The following HMG20B variants were observed in gnomAD, a reference collection of about 807,000 sequenced individuals.
HMG20B encodes SWI/SNF-related matrix-associated actin-dependent regulator of chromatin subfamily E member 1-related.
Under a neutral mutation model 41.6 loss-of-function variants are expected in HMG20B, and 24 were observed. The observed-to-expected ratio is 0.58, with a 90% CI of 0.42 to 0.81. The LOEUF (loss-of-function observed/expected upper bound fraction) is 0.81, where lower values mean the gene tolerates loss of function less well. HMG20B is among the 30% of genes least tolerant of loss of function. The pLI, the probability that HMG20B is intolerant of heterozygous loss-of-function variation, is 0.00. For missense variants in HMG20B, 461 were observed against 444.0 expected (o/e 1.04, Z -0.34); for synonymous variants, 251 against 186.6 (o/e 1.34, Z -2.81).
At chr19:3,573,490 A>AC (rs999168361) in intron 2 of HMG20B, 143 bp downstream of exon 2, 4 of 975,120 alleles carry the variant, frequency 4.1e-6, no homozygotes, top group Non-Finnish European at 5.8e-6. Flanking sequence ...CCAATTCTGC[A>AC]CCCCCCACCT....
chr19:3,574,026 C>T, intron 3 of HMG20B: 1 of 680,524 alleles, frequency 1.5e-6, no homozygotes, highest in Non-Finnish European at 2.6e-6. Flanking sequence ...ACTCTAAGGT[C>T]CCGCCCACTT....
Position 3,576,278 on chromosome 19 carries a change from C to A in HMG20B, c.490C>A (p.Leu164Ile). Reference sequence around the variant, plus strand: ...CCCGCCAGAAGACTCGAGCTCTGGGCTCATGAACACTCTCCTGAATGGACA... The same window carrying A: ...CCCGCCAGAAGACTCGAGCTCTGGGATCATGAACACTCTCCTGAATGGACA... ...KIKKEDSSSG[L>I]MNTLLNGHKG... The change falls in exon 6 of 10, where the codon CTC (leucine) becomes ATC (isoleucine). Residue 164 changes from leucine to isoleucine, a missense_variant. By Grantham distance (5) the Leu-to-Ile change is conservative. Transcript: ENST00000333651. 1 of 1,613,704 alleles carries A rather than the reference C, an allele frequency of 6.2e-7. No homozygotes were observed. The highest frequency in any genetic ancestry group is 8.5e-7 in the Non-Finnish European group (1 of 1,179,814).
intron 2 of HMG20B, 133 bp from the exon 3 acceptor site, chr19:3,573,559 A>G (rs1443499798): frequency 3.2e-6 from 3 of 943,382 alleles, no homozygotes; most frequent in African/African-American, 3.4e-5. Context: ...TACTGACCCC[A>G]TCAGACCCTG....
Position 3,578,922 on chromosome 19 carries a change from G to C in HMG20B, c.*401G>C, listed in dbSNP as rs1160147412. ...GGCCACACAGGAAGCTGCCTTGTGG[G>C]GACTTACCTGGGGTGTCCCCCGCAT... On this transcript the variant is annotated 3_prime_UTR_variant, in exon 10 of 10. Transcript: ENST00000333651. 6.4e-6 allele frequency: 3 copies of C among 466,862 alleles called. No homozygotes were observed. The highest frequency in any genetic ancestry group is 5.9e-5 in the African/African-American group (3 of 50,638). The allele number at this position is 466,862 out of a possible 1,614,324, so 28.9% of individuals were successfully genotyped here.
intron 5 of HMG20B, 177 bp downstream of exon 5, chr19:3,575,837 G>A (rs1010477737): frequency 1.1e-5 from 6 of 560,060 alleles, no homozygotes; most frequent in Admixed American, 9.2e-5. Flanking sequence ...CCAGCTACTC[G>A]GGAGGCTGAG....
chr19:3,573,409 G>A, intron 2 of HMG20B, 62 bp downstream of exon 2: 1 of 1,450,590 alleles, frequency 6.9e-7, no homozygotes, highest in Non-Finnish European at 9.2e-7. Flanking sequence ...CCTAGCTCCT[G>A]AACCCCTGAC....
chr19:3,573,379 GC>G (rs2032083225), intron 2 of HMG20B, 32 bp downstream of exon 2: 1 of 1,505,238 alleles, frequency 6.6e-7, no homozygotes, highest in Non-Finnish European at 8.9e-7. Context: ...CCACGCCCTC[GC>G]TACTTTCCCG....
Position 3,578,714 on chromosome 19 carries a change from G to A in HMG20B, c.*193G>A, listed in dbSNP as rs1265720578. On this transcript the variant is annotated 3_prime_UTR_variant, in exon 10 of 10. Transcript: ENST00000333651. ...TCAATCTCCCCAGCCCCCTGAACCC[G>A]GAAAAAGCACTCGCTGCGCGATACA... is the stretch of plus-strand genomic sequence containing the variant. 17 of 829,924 alleles carry A rather than the reference G, an allele frequency of 2.0e-5. No homozygotes were observed. The highest frequency in any genetic ancestry group is 1.0e-4 in the East Asian group (4 of 39,038). The allele number at this position is 829,924 out of a possible 1,614,324, so 51.4% of individuals were successfully genotyped here. A position where few individuals can be genotyped will look rare whatever the true frequency, so the allele number is the denominator to read the frequency against.
rs766740501 is a variant in HMG20B, at chr19:3,574,460, G to A, written c.225G>A (p.Thr75=). 4.7e-5 allele frequency: 75 copies of A among 1,608,968 alleles called. No individual in the cohort carries two copies. The highest frequency in any genetic ancestry group is 6.0e-5 in the Non-Finnish European group (71 of 1,178,448). Residue 75 remains threonine, a synonymous_variant, in exon 4 of 10, where the codon ACG becomes ACA. Transcript: ENST00000333651. The part of the protein sequence containing the change: ...ILPNGPKAPV[T]GYVRFLNERR... ...CGAATGGGCCCAAGGCACCGGTCAC[G>A]GGCTACGTGCGCTTCCTGAACGAGC...
chr19:3,574,882 C>T (rs983913264), intron 4 of HMG20B, among the ~76,000 whole-genome samples: 2 of 152,164 alleles, frequency 1.3e-5, no homozygotes, highest in African/African-American at 4.8e-5. Context: ...CCATGCCCTG[C>T]TAATTTTTGT....
In HMG20B at chr19:3,575,630, G is replaced by T; in HGVS notation, c.442G>T (p.Glu148Ter). 6.4e-7 allele frequency: 1 copy of T among 1,551,516 alleles called. No individual in the cohort carries two copies. The highest frequency in any genetic ancestry group is 8.7e-7 in the Non-Finnish European group (1 of 1,147,094). ...GTCTGAAGCCTATAAGATGTGCACG[G>T]AGAAGATCCAGGAGAAGAAGATCAA... ...QQSEAYKMCT[E>*]KIQEKKIKKE... is the part of the protein sequence containing the mutation. Residue 148 changes from glutamate to a stop codon, truncating the protein, a stop_gained, in exon 5 of 10, where the codon GAG becomes TAG. Transcript: ENST00000333651. LOFTEE classifies it high-confidence loss of function.
chr19:3,574,688 C>T (rs972629868), intron 4 of HMG20B, 102 bp downstream of exon 4: 10 of 1,115,202 alleles, frequency 9.0e-6, no homozygotes, highest in Admixed American at 8.6e-5. Flanking sequence ...TTTCCTTCTT[C>T]CTGGAGAAAT....
At chr19:3,578,252 G>C in intron 9 of HMG20B, 139 bp downstream of exon 9, 1 of 1,290,362 alleles carries the variant, frequency 7.7e-7, no homozygotes, top group Non-Finnish European at 1.1e-6. Context: ...GCCTACCTGC[G>C]GTCGCCCCTG....
At chr19:3,577,874 C>G in intron 8 of HMG20B, 107 bp from the exon 9 acceptor site, 3 of 1,054,158 alleles carry the variant, frequency 2.8e-6, no homozygotes, top group Non-Finnish European at 4.0e-6. Context: ...GTCCGGACCT[C>G]TGAGCGCCCG....
intron 6 of HMG20B, 86 bp from the exon 7 acceptor site, chr19:3,576,467 G>C: frequency 7.1e-7 from 1 of 1,402,686 alleles, no homozygotes; most frequent in East Asian, 2.3e-5. Flanking sequence ...GGGTGTCCCA[G>C]GAGACCCTCC....
intron 9 of HMG20B, 146 bp downstream of exon 9, chr19:3,578,259 C>G (rs1358616097): frequency 8.0e-7 from 1 of 1,242,416 alleles, no homozygotes; most frequent in East Asian, 2.5e-5. Flanking sequence ...TGCGGTCGCC[C>G]CTGATGCACC....
chr19:3,575,546 C>A lies in HMG20B; in HGVS notation c.358C>A (p.Leu120Met). The change falls in exon 5 of 10, where the codon CTG (leucine) becomes ATG (methionine). Residue 120 changes from leucine (L) to methionine (M), a missense_variant. By Grantham distance (15) the Leu-to-Met change is conservative. Transcript: ENST00000333651. Reference sequence around the variant, plus strand: ...TTCTGGTGCTGCCCCCCAGCGGTACCTGGATGAGGCCGAGAGAGAGAAGCA... The same window carrying A: ...TTCTGGTGCTGCCCCCCAGCGGTACATGGATGAGGCCGAGAGAGAGAAGCA... ...KLQPTEKQRYLDEAEREKQQY... is the reference protein window; with the variant it reads ...KLQPTEKQRYMDEAEREKQQY... The A allele has an allele frequency of 6.4e-7, 1 of 1,563,262 alleles. No individual in the cohort carries two copies. The highest frequency in any genetic ancestry group is 8.7e-7 in the Non-Finnish European group (1 of 1,154,358).
intron 4 of HMG20B, among the ~76,000 whole-genome samples, chr19:3,575,216 G>A (rs895482769): frequency 2.6e-5 from 4 of 152,224 alleles, no homozygotes; most frequent in Non-Finnish European, 5.9e-5. Context: ...ATCCCTGTAA[G>A]TGAGATTTCA....
intron 8 of HMG20B, among the ~76,000 whole-genome samples, 160 bp from the exon 9 acceptor site, chr19:3,577,821 C>G (rs959186717): frequency 2.6e-5 from 4 of 151,736 alleles, no homozygotes; most frequent in Admixed American, 6.6e-5. Flanking sequence ...CCTCCTGCCC[C>G]GGCTTACCTT....
Sources: gnomAD v4.1 joint callset for allele counts (sites outside exome capture counted in the v4.1 genomes callset) on GRCh38, gnomAD v4.1.1 for gene constraint, MANE v1.5 for transcripts, NCBI Gene and HGNC (gene_info 2026-07-23, HGNC 2026-07-21) for gene names.